AKAP9: variants seen among roughly 807,000 people sequenced by gnomAD.
The protein encoded by AKAP9 is A-kinase anchor protein 9.
In AKAP9, 311 loss-of-function variants were observed where a neutral mutation model predicts 488.5. The observed-to-expected ratio is 0.64, with a 90% CI of 0.58 to 0.70. AKAP9 has a LOEUF of 0.70. AKAP9 is among the 30% of genes least tolerant of loss of function. AKAP9 has a pLI of 0.00. For missense variants in AKAP9, 4,215 were observed against 4,374.5 expected, an observed-to-expected ratio of 0.96 and a Z score of 1.03; for synonymous variants, 1,462 against 1,483.5, an observed-to-expected ratio of 0.99 and a Z score of 0.33.
intron 49 of AKAP9, 113 bp from the exon 50 acceptor site, chr7:92,110,009 G>A (rs1022135255): frequency 8.6e-6 from 7 of 810,960 alleles, no homozygotes; most frequent in Non-Finnish European, 1.5e-5. Context: ...GGAAAAAAAG[G>A]GCTTTAAAAA....
intron 48 of AKAP9, 55 bp from the exon 49 acceptor site, chr7:92,108,439 C>G: frequency 6.3e-7 from 1 of 1,596,458 alleles, no homozygotes; most frequent in Non-Finnish European, 8.6e-7. Context: ...AGGTTGGTAA[C>G]TTATATGCAT....
At chr7:92,043,799 T>A (rs1222555647) in intron 20 of AKAP9, among the ~76,000 whole-genome samples, 1 of 152,208 alleles carries the variant, frequency 6.6e-6, no homozygotes, top group Admixed American at 6.5e-5. Flanking sequence ...AATAGATATG[T>A]CATGTGCCTG....
At chr7:92,015,512 C>T (rs1372818141) in intron 10 of AKAP9, among the ~76,000 whole-genome samples, 3 of 151,898 alleles carry the variant, frequency 2.0e-5, no homozygotes, top group South Asian at 4.2e-4. Context: ...GACAGATGCA[C>T]ACCACCACGC....
chr7:92,081,250 T>A (rs1394139427), intron 31 of AKAP9, among the ~76,000 whole-genome samples: 1 of 151,678 alleles, frequency 6.6e-6, no homozygotes, highest in Non-Finnish European at 1.5e-5. Flanking sequence ...CAGAAAGAAA[T>A]CTATTATTTA....
intron 26 of AKAP9, among the ~76,000 whole-genome samples, chr7:92,067,948 G>C (rs759945024): frequency 6.6e-6 from 1 of 152,056 alleles, no homozygotes; most frequent in Non-Finnish European, 1.5e-5. Flanking sequence ...TTTTTATTTC[G>C]AATGTAATTT....
Position 92,070,106 on chromosome 7 carries a change from A to G in AKAP9, c.6407A>G (p.Gln2136Arg), listed in dbSNP as rs753333601. Residue 2136 changes from glutamine (Q) to arginine (R), a missense_variant, in exon 27 of 50, where the codon CAA becomes CGA. Transcript: ENST00000356239. Reference protein sequence around the residue: ...SELLLSKEQLQRDIQERNEEI... With the variant: ...SELLLSKEQLRRDIQERNEEI... ...CTTTTGCTCTCTAAAGAGCAGCTTC[A>G]AAGGGATATACAAGAAAGGAATGAA... 1 of 1,614,136 alleles carries G rather than the reference A, an allele frequency of 6.2e-7. No homozygotes were observed. Among genetic ancestry groups the G allele is most frequent in the Non-Finnish European group, 8.5e-7 (1 of 1,179,994 alleles).
At chr7:92,094,567 G>A (rs560108813) in intron 39 of AKAP9, among the ~76,000 whole-genome samples, 1 of 150,476 alleles carries the variant, frequency 6.6e-6, no homozygotes, top group Non-Finnish European at 1.5e-5. Flanking sequence ...GGGCGCGGTG[G>A]CTCATGCCTG....
At chr7:91,964,263 T>G (rs1023693553) in intron 1 of AKAP9, among the ~76,000 whole-genome samples, 6 of 152,194 alleles carry the variant, frequency 3.9e-5, no homozygotes, top group Non-Finnish European at 8.8e-5. Context: ...CCTTCTCTGT[T>G]AAAAGAAGTG....
intron 23 of AKAP9, among the ~76,000 whole-genome samples, chr7:92,061,793 C>T (rs1181485733): frequency 1.3e-5 from 2 of 151,544 alleles, no homozygotes; most frequent in African/African-American, 2.4e-5. Flanking sequence ...GCACAAATAC[C>T]ATTACATAGT....
In AKAP9 at chr7:92,070,089, C is replaced by T. The variant is rs767427358; in HGVS notation, c.6390C>T (p.Leu2130=). The part of the protein sequence containing the change: ...EKTDKCSELL[L]SKEQLQRDIQ... ...CAGACAAATGCAGTGAGCTTTTGCT[C>T]TCTAAAGAGCAGCTTCAAAGGGATA... Residue 2130 remains leucine, a synonymous_variant, in exon 27 of 50, where the codon CTC becomes CTT. Coordinates refer to ENST00000356239, the MANE Select transcript of AKAP9 (RefSeq NM_005751.5). 3 of 1,613,748 alleles carry T rather than the reference C, an allele frequency of 1.9e-6. No individual in the cohort carries two copies. In the African/African-American group the frequency reaches 4.0e-5, roughly 22 times the overall value.
At chr7:91,968,054 C>T (rs1466187061) in intron 1 of AKAP9, among the ~76,000 whole-genome samples, 1 of 152,168 alleles carries the variant, frequency 6.6e-6, no homozygotes, top group Non-Finnish European at 1.5e-5. Flanking sequence ...CTTCCCATGT[C>T]AGCCTCCCAA....
intron 38 of AKAP9, among the ~76,000 whole-genome samples, chr7:92,091,209 A>G (rs999330779): frequency 6.6e-6 from 1 of 152,212 alleles, no homozygotes; most frequent in Non-Finnish European, 1.5e-5. Flanking sequence ...CTGTGTGTTC[A>G]GTAATTTTGT....
intron 29 of AKAP9, among the ~76,000 whole-genome samples, 200 bp downstream of exon 29, chr7:92,077,207 C>G (rs1289175541): frequency 6.6e-6 from 1 of 150,860 alleles, no homozygotes; most frequent in African/African-American, 2.4e-5. Context: ...GCAATTCTGC[C>G]TCAGCCTCCC....
At position 92,066,329 on chromosome 7, in the gene AKAP9, C is replaced by A. The variant is rs1584398129; in HGVS notation, c.6211-98C>A. The A allele has an allele frequency of 6.1e-6, 9 of 1,471,090 alleles. No individual in the cohort carries two copies. The East Asian group carries it at 2.1e-4, about 34-fold the overall frequency. The allele number at this position is 1,471,090 out of a possible 1,614,324, so 91.1% of individuals were successfully genotyped here. On this transcript the variant is annotated intron_variant, in intron 25 of 49. Transcript: ENST00000356239. Reference sequence around the variant, plus strand: ...TCCATGATCATCAGTCCTTTGTCTTCAAACAAAACTAACATATCTCTAAAG... The same window carrying A: ...TCCATGATCATCAGTCCTTTGTCTTAAAACAAAACTAACATATCTCTAAAG...
chr7:91,992,988 A>T lies in AKAP9; in HGVS notation c.509A>T (p.Glu170Val), dbSNP rs539375675. The change falls in exon 5 of 50, where the codon GAG becomes GTG. Residue 170 changes from glutamate (E) to valine (V), a missense_variant. By Grantham distance (121) the Glu-to-Val change is moderately radical. Around this residue, in one of 5 missense-constraint regions of AKAP9, gnomAD observed 2,361 missense variants for 2,430.0 expected, o/e 0.97. Coordinates refer to ENST00000356239, the MANE Select transcript of AKAP9 (RefSeq NM_005751.5). The part of the protein sequence containing the change: ...MESELAGKQH[E>V]IEELNRELEE... ...AGTGAGTTGGCTGGGAAGCAGCATG[A>T]GATTGAAGAGCTAAACAGAGAGCTG... The T allele has an allele frequency of 6.2e-6, 10 of 1,614,120 alleles. No homozygotes were observed. The East Asian group carries it at 2.0e-4, about 32-fold the overall frequency.
chr7:91,991,273 T>C (rs1797710983), intron 3 of AKAP9, among the ~76,000 whole-genome samples: 1 of 151,362 alleles, frequency 6.6e-6, no homozygotes, highest in African/African-American at 2.4e-5. Context: ...ATTTGAAAGT[T>C]ATTGCAAATG....
At position 92,006,305 on chromosome 7, in the gene AKAP9, A is replaced by T. The variant is rs143771495; in HGVS notation, c.3318+3070A>T. On this transcript the variant is annotated intron_variant, in intron 8 of 49. Transcript: ENST00000356239. ...AGCTAGTATTACAGGCATGCACCACACACCCAGCTAGGTTTTTGTATTTTT... is the reference window on the plus strand; with the variant it reads ...AGCTAGTATTACAGGCATGCACCACTCACCCAGCTAGGTTTTTGTATTTTT... Among the ~76,000 whole-genome samples, 1,089 of 151,704 alleles carry T rather than the reference A, an allele frequency of 7.2e-3. 12 individuals carry two copies. The highest frequency in any genetic ancestry group is 7.7e-3 in the Non-Finnish European group (526 of 67,878).
At chr7:92,080,379 T>C (rs1813310473) in intron 31 of AKAP9, among the ~76,000 whole-genome samples, 1 of 152,020 alleles carries the variant, frequency 6.6e-6, no homozygotes, top group Non-Finnish European at 1.5e-5. Flanking sequence ...CGGGTGGATC[T>C]TGAGGTCAGG....
intron 38 of AKAP9, 192 bp downstream of exon 38, chr7:92,089,721 A>G (rs181209481): frequency 1.7e-6 from 1 of 583,044 alleles, no homozygotes. Context: ...TTAAACAGCT[A>G]CGTTGACTTT....
Sources: allele counts gnomAD v4.1 joint callset (sites outside exome capture counted in the v4.1 genomes callset), GRCh38; gene constraint gnomAD v4.1.1; regional missense constraint gnomAD v4.1.1; transcripts MANE v1.5; gene names NCBI Gene and HGNC (gene_info 2026-07-23, HGNC 2026-07-21).